Variants in LIPA observed in about 807,000 individuals in gnomAD.
The protein encoded by LIPA is lysosomal acid lipase/cholesteryl ester hydrolase.
A neutral mutation model predicts 40.6 loss-of-function variants in LIPA; 26 were observed. The observed-to-expected ratio is 0.64, with a 90% confidence interval of 0.47 to 0.89. LIPA has a LOEUF of 0.89. Among genes scored for constraint, LIPA ranks in the 40% least tolerant of loss-of-function variants. The pLI is 0.00. For synonymous variants in LIPA, 188 were observed against 168.4 expected (o/e 1.12, Z -0.90); for missense variants, 455 against 479.6 (o/e 0.95, Z 0.48).
chr10:89,387,404 T>C (rs1844218420), intron 2 of LIPA, among the ~76,000 whole-genome samples: 1 of 152,098 alleles, frequency 6.6e-6, no homozygotes, highest in African/African-American at 2.4e-5. Flanking sequence ...CAATTATGGA[T>C]TCATTGGCTG....
rs1843016517 is a variant in LIPA, at chr10:89,245,777, T to C, written c.128A>G (p.Tyr43Cys). ...TNMNVSEIIS[Y>C]WGFPSEEYLV... ...GTATTCCTCACTAGGGAATCCCCAG[T>C]AAGAGATAATTTCACTCTGTAGAGA... The change falls in exon 3 of 10, where the codon TAC (tyrosine) becomes TGC (cysteine). Residue 43 changes from tyrosine to cysteine, a missense_variant. By Grantham distance (194) the Tyr-to-Cys change is radical. Transcript: ENST00000336233. 1.2e-5 allele frequency: 19 copies of C among 1,563,224 alleles called. No individual in the cohort carries two copies. The highest frequency in any genetic ancestry group is 1.7e-5 in the Non-Finnish European group (19 of 1,133,610).
chr10:89,227,085 G>A, intron 4 of LIPA, 81 bp from the exon 5 acceptor site: 1 of 908,486 alleles, frequency 1.1e-6, no homozygotes, highest in East Asian at 2.4e-5. Flanking sequence ...AGTTTGATGA[G>A]TTATCACAAA....
chr10:89,404,911 G>T (rs1350520901), intron 2 of LIPA: 2 of 151,782 alleles, frequency 1.3e-5, no homozygotes, highest in Non-Finnish European at 2.9e-5. Context: ...GCAGTGTCGA[G>T]ATCTTGCCAC....
At position 89,327,973 on chromosome 10, in the gene LIPA, T is replaced by C. The variant is rs958387267; in HGVS notation, c.-2+14638A>G. On this transcript the variant is annotated intron_variant, in intron 1 of 5. Coordinates refer to the LIPA transcript ENST00000282673. ...TGCCCTACTCTCCCACCCCTTTATA[T>C]AGTTCCTTCAGTATTTACTTGAGGC... 28 of 1,252,360 alleles carry C rather than the reference T, an allele frequency of 2.2e-5. No homozygotes were observed. In the Admixed American group the frequency reaches 4.8e-4, roughly 21 times the overall value. 77.6% of individuals were successfully genotyped at this position (1,252,360 alleles called of 1,614,324 possible).
At chr10:89,362,530 C>A in intron 2 of LIPA, 1 of 273,052 alleles carries the variant, frequency 3.7e-6, no homozygotes, top group South Asian at 8.2e-5. Flanking sequence ...GAGAACACAC[C>A]AACCAAGCAG....
chr10:89,265,716 C>A (rs1843232354), intron 1 of LIPA, among the ~76,000 whole-genome samples: 1 of 152,180 alleles, frequency 6.6e-6, no homozygotes, highest in African/African-American at 2.4e-5. Context: ...TGACTATAGA[C>A]AAACATTTTC....
chr10:89,222,669 CT>C, intron 7 of LIPA, 87 bp from the exon 8 acceptor site: 1 of 881,652 alleles, frequency 1.1e-6, no homozygotes, highest in African/African-American at 1.6e-5. Context: ...CTTCAAAGCA[CT>C]AAAAACTAGA....
chr10:89,336,857 TAAG>T (rs1291480077), intron 1 of LIPA, among the ~76,000 whole-genome samples: 2 of 152,158 alleles, frequency 1.3e-5, no homozygotes, highest in Non-Finnish European at 2.9e-5. Flanking sequence ...ACTCCACTGG[TAAG>T]AAGGAAGAAG....
intron 1 of LIPA, among the ~76,000 whole-genome samples, chr10:89,304,977 A>C (rs1202203632): frequency 6.6e-6 from 1 of 152,032 alleles, no homozygotes; most frequent in South Asian, 2.1e-4. Context: ...AAAACCCAGA[A>C]GAGAAAAATA....
chr10:89,395,834 C>A (rs1844335703), intron 2 of LIPA, among the ~76,000 whole-genome samples: 1 of 151,896 alleles, frequency 6.6e-6, no homozygotes, highest in Admixed American at 6.6e-5. Flanking sequence ...AAAAAAAATA[C>A]AACAGTGACC....
At chr10:89,268,475 T>C (rs1300674230) in intron 1 of LIPA, among the ~76,000 whole-genome samples, 1 of 152,212 alleles carries the variant, frequency 6.6e-6, no homozygotes, top group Non-Finnish European at 1.5e-5. Flanking sequence ...CTAGTTACTA[T>C]GTAGGTTCAA....
intron 2 of LIPA, among the ~76,000 whole-genome samples, chr10:89,407,682 T>C (rs1841434474): frequency 6.6e-6 from 1 of 152,174 alleles, no homozygotes; most frequent in African/African-American, 2.4e-5. Context: ...GCATAACATC[T>C]TTATAGGACA....
chr10:89,341,544 A>G (rs931383719), intron 1 of LIPA, among the ~76,000 whole-genome samples: 1 of 152,256 alleles, frequency 6.6e-6, no homozygotes, highest in Non-Finnish European at 1.5e-5. Context: ...ATATAAATGT[A>G]TAAGATGATC....
intron 1 of LIPA, chr10:89,307,408 C>T (rs200809128): frequency 6.6e-7 from 1 of 1,510,226 alleles, no homozygotes. Context: ...TAGGCTACTG[C>T]TGAAAGGGAG....
intron 1 of LIPA, among the ~76,000 whole-genome samples, chr10:89,271,799 C>T (rs921158356): frequency 1.3e-5 from 2 of 152,066 alleles, no homozygotes; most frequent in Admixed American, 6.5e-5. Context: ...CAGTGGCTTA[C>T]GCTTGTAATC....
intron 1 of LIPA, among the ~76,000 whole-genome samples, chr10:89,310,817 T>C (rs1194543706): frequency 6.6e-6 from 1 of 152,186 alleles, no homozygotes; most frequent in South Asian, 2.1e-4. Context: ...AGGCTGCTGT[T>C]GAAAAGGAGG....
intron 1 of LIPA, among the ~76,000 whole-genome samples, chr10:89,257,543 A>T (rs1843187321): frequency 6.6e-6 from 1 of 152,242 alleles, no homozygotes; most frequent in African/African-American, 2.4e-5. Flanking sequence ...AAAAAGTATG[A>T]AACGATAATT....
intron 1 of LIPA, among the ~76,000 whole-genome samples, chr10:89,317,257 A>G (rs1245475762): frequency 6.6e-6 from 1 of 152,232 alleles, no homozygotes; most frequent in Non-Finnish European, 1.5e-5. Flanking sequence ...AATCGGTAAT[A>G]ACAAATTTCT....
chr10:89,305,686 A>T (rs1843473309), intron 1 of LIPA, among the ~76,000 whole-genome samples: 1 of 152,184 alleles, frequency 6.6e-6, no homozygotes, highest in African/African-American at 2.4e-5. Flanking sequence ...AGAGCTGTTT[A>T]ACAAAAACTG....
Sources: allele counts gnomAD v4.1 joint callset (sites outside exome capture counted in the v4.1 genomes callset), GRCh38; gene constraint gnomAD v4.1.1; transcripts MANE v1.5; gene names NCBI Gene and HGNC (gene_info 2026-07-23, HGNC 2026-07-21).